LIPC: variants seen among roughly 807,000 people sequenced by gnomAD.
The protein encoded by LIPC is lipase C, hepatic type.
Under a neutral mutation model 50.7 loss-of-function variants are expected in LIPC, and 44 were observed. That is an observed-to-expected ratio of 0.87 (90% confidence interval 0.68 to 1.11). LIPC has a LOEUF of 1.11. LIPC is among the 50% of genes most tolerant of loss of function. LIPC has a pLI of 0.00. For synonymous variants in LIPC, 271 were observed against 256.4 expected (o/e 1.06, Z -0.54); for missense variants, 697 against 648.2 (o/e 1.08, Z -0.82).
intron 1 of LIPC, among the ~76,000 whole-genome samples, chr15:58,530,040 T>G (rs1315116799): frequency 6.6e-6 from 1 of 152,250 alleles, no homozygotes; most frequent in East Asian, 1.9e-4. Flanking sequence ...GCCAGAGAAC[T>G]GGAAGTGTAG....
intron 8 of LIPC, chr15:58,565,746 A>T (rs3829460): frequency 0.68 from 676,541 of 991,876 alleles, 234,532 homozygotes; most frequent in South Asian, 0.75. Flanking sequence ...TCTCAGTCTA[A>T]TCTAGCAGAG....
chr15:58,467,898 T>G (rs1894631010), intron 1 of LIPC, among the ~76,000 whole-genome samples: 1 of 152,180 alleles, frequency 6.6e-6, no homozygotes, highest in Admixed American at 6.5e-5. Context: ...GCACAGCGGT[T>G]GAGAGCTTGG....
chr15:58,486,432 G>A (rs1006431064), intron 1 of LIPC, among the ~76,000 whole-genome samples: 6 of 152,220 alleles, frequency 3.9e-5, no homozygotes, highest in Non-Finnish European at 8.8e-5. Context: ...AGCCCAGCAA[G>A]TATCCAAGCT....
intron 1 of LIPC, among the ~76,000 whole-genome samples, chr15:58,440,062 C>T (rs1339514594): frequency 4.6e-5 from 7 of 152,134 alleles, no homozygotes; most frequent in African/African-American, 1.2e-4. Flanking sequence ...GTAGCTACAA[C>T]CCCAAAAGTA....
At chr15:58,543,266 C>A (rs539347036) in intron 4 of LIPC, among the ~76,000 whole-genome samples, 1 of 152,214 alleles carries the variant, frequency 6.6e-6, no homozygotes, top group East Asian at 1.9e-4. Context: ...CAAAAACACA[C>A]AGCTGGTGAG....
intron 1 of LIPC, among the ~76,000 whole-genome samples, chr15:58,453,669 G>A (rs184000285): frequency 3.3e-5 from 5 of 152,100 alleles, no homozygotes; most frequent in Admixed American, 6.5e-5. Context: ...GGGAGGCCGA[G>A]GCAGGTGGAT....
chr15:58,440,070 G>C (rs1227149927), intron 1 of LIPC, among the ~76,000 whole-genome samples: 1 of 152,130 alleles, frequency 6.6e-6, no homozygotes, highest in African/African-American at 2.4e-5. Flanking sequence ...AACCCCAAAA[G>C]TATTTAAAAC....
chr15:58,511,940 A>C (rs1220147752), intron 1 of LIPC, among the ~76,000 whole-genome samples: 1 of 152,218 alleles, frequency 6.6e-6, no homozygotes, highest in Non-Finnish European at 1.5e-5. Flanking sequence ...AATTATATAT[A>C]TACACACACA....
At chr15:58,520,253 T>A (rs1309425316) in intron 1 of LIPC, among the ~76,000 whole-genome samples, 1 of 152,068 alleles carries the variant, frequency 6.6e-6, no homozygotes, top group Non-Finnish European at 1.5e-5. Context: ...GCAATTTTGT[T>A]TGGGTTGAAA....
chr15:58,443,183 A>T (rs1893563434), intron 1 of LIPC, among the ~76,000 whole-genome samples: 1 of 152,150 alleles, frequency 6.6e-6, no homozygotes, highest in South Asian at 2.1e-4. Context: ...AAGTGCTGGG[A>T]TTACAGGCCT....
At chr15:58,564,052 T>A in intron 8 of LIPC, 1 of 407,564 alleles carries the variant, frequency 2.5e-6, no homozygotes, top group Non-Finnish European at 4.7e-6. Flanking sequence ...GTGATGTCAG[T>A]GCTGCCAGTC....
chr15:58,479,786 T>A (rs1891124482), intron 1 of LIPC, among the ~76,000 whole-genome samples: 2 of 152,214 alleles, frequency 1.3e-5, no homozygotes, highest in African/African-American at 4.8e-5. Context: ...ATGTGCCTTG[T>A]ACATTTCTCC....
intron 6 of LIPC, among the ~76,000 whole-genome samples, chr15:58,554,601 G>A (rs1893869135): frequency 6.7e-6 from 1 of 150,190 alleles, no homozygotes; most frequent in Admixed American, 6.6e-5. Flanking sequence ...CCAAATAAGA[G>A]TAAATAATTA....
At chr15:58,493,466 T>G (rs1891652745) in intron 1 of LIPC, among the ~76,000 whole-genome samples, 1 of 141,564 alleles carries the variant, frequency 7.1e-6, no homozygotes, top group South Asian at 2.4e-4. Context: ...CATTCACAAT[T>G]TAAAATATAT....
chr15:58,498,160 G>T (rs899225734), intron 1 of LIPC, among the ~76,000 whole-genome samples: 1 of 152,076 alleles, frequency 6.6e-6, no homozygotes, highest in Non-Finnish European at 1.5e-5. Context: ...TCTCTCAGGC[G>T]AGCTTTCCTA....
intron 1 of LIPC, among the ~76,000 whole-genome samples, chr15:58,528,004 C>T (rs1358465742): frequency 6.6e-6 from 1 of 152,080 alleles, no homozygotes; most frequent in African/African-American, 2.4e-5. Context: ...TCCCCACCCA[C>T]GGTTTACTGC....
intron 5 of LIPC, 89 bp from the exon 6 acceptor site, chr15:58,548,241 C>G (rs901604829): frequency 6.3e-7 from 1 of 1,583,480 alleles, no homozygotes; most frequent in African/African-American, 1.3e-5. Flanking sequence ...TACTGCTAAC[C>G]TCCTGTGGGA....
chr15:58,483,088 A>G (rs1891247680), intron 1 of LIPC, among the ~76,000 whole-genome samples: 1 of 152,216 alleles, frequency 6.6e-6, no homozygotes, highest in Non-Finnish European at 1.5e-5. Flanking sequence ...ACATAAAATG[A>G]CATGGGTATA....
intron 1 of LIPC, among the ~76,000 whole-genome samples, chr15:58,498,936 C>A (rs1891873870): frequency 6.6e-6 from 1 of 152,216 alleles, no homozygotes; most frequent in East Asian, 1.9e-4. Context: ...GAGCAATACT[C>A]CACAGGGCAT....
Sources: gnomAD v4.1 joint callset for allele counts (sites outside exome capture counted in the v4.1 genomes callset) on GRCh38, gnomAD v4.1.1 for gene constraint, MANE v1.5 for transcripts, NCBI Gene and HGNC (gene_info 2026-07-23, HGNC 2026-07-21) for gene names.